Variants in DPP10 observed in about 807,000 individuals in gnomAD.
DPP10 encodes the protein inactive dipeptidyl peptidase 10.
In DPP10, 33 loss-of-function variants were observed where a neutral mutation model predicts 120.9. The observed-to-expected ratio is 0.27, with a 90% CI of 0.21 to 0.37. DPP10 has a LOEUF of 0.37. Among genes scored for constraint, DPP10 ranks in the 10% least tolerant of loss-of-function variants. The pLI is 1.00. For synonymous variants in DPP10, 337 were observed against 326.1 expected (o/e 1.03, Z -0.36); for missense variants, 816 against 942.8 (o/e 0.87, Z 1.76).
intron 4 of DPP10, among the ~76,000 whole-genome samples, chr2:115,520,507 G>A (rs903467874): frequency 2.8e-5 from 1 of 35,958 alleles, no homozygotes; most frequent in South Asian, 2.2e-3. Flanking sequence ...AGCTCCTGGA[G>A]CATGATTTTT....
chr2:115,833,508 T>C (rs1223032529), intron 21 of DPP10, among the ~76,000 whole-genome samples: 1 of 152,188 alleles, frequency 6.6e-6, no homozygotes, highest in Non-Finnish European at 1.5e-5. Context: ...CTGTTTCCAC[T>C]TTTGCTTTAT....
At chr2:114,939,112 GA>G (rs1156737821) in intron 1 of DPP10, among the ~76,000 whole-genome samples, 2 of 151,562 alleles carry the variant, frequency 1.3e-5, no homozygotes, top group South Asian at 4.2e-4. Flanking sequence ...TATATTCTTA[GA>G]AAAAAAGCTA....
rs111990871 is a variant in DPP10 at position 114,587,891 on chromosome 2, C to T, written c.60+145053C>T. ...AATATTTGTGAGGACCAGTGTCTAA[C>T]GATTAGGCATCATCTTAAACAAGAA... On this transcript the variant is annotated intron_variant, in intron 1 of 25. Coordinates refer to ENST00000410059, the MANE Select transcript of DPP10 (RefSeq NM_020868.6). Among the ~76,000 whole-genome samples, 1,013 of 152,220 alleles carry T rather than the reference C, an allele frequency of 6.7e-3. 9 individuals are homozygous for T. The highest frequency in any genetic ancestry group is 0.021 in the African/African-American group (889 of 41,530).
At chr2:114,674,088 GA>G (rs1391318691) in intron 1 of DPP10, among the ~76,000 whole-genome samples, 1 of 151,844 alleles carries the variant, frequency 6.6e-6, no homozygotes, top group Non-Finnish European at 1.5e-5. Context: ...AGATATATTG[GA>G]AAATTTGGAA....
At chr2:114,665,143 AT>A (rs1697823181) in intron 1 of DPP10, among the ~76,000 whole-genome samples, 1 of 152,200 alleles carries the variant, frequency 6.6e-6, no homozygotes, top group South Asian at 2.1e-4. Context: ...AAGGAAAAAA[AT>A]GTATGCTGAA....
At chr2:115,810,331 A>G (rs1359312347) in intron 19 of DPP10, among the ~76,000 whole-genome samples, 2 of 152,226 alleles carry the variant, frequency 1.3e-5, no homozygotes, top group East Asian at 1.9e-4. Flanking sequence ...TCTTCTGTAT[A>G]TAAATTCAAC....
chr2:114,828,234 G>A (rs960110015), intron 1 of DPP10, among the ~76,000 whole-genome samples: 4 of 152,172 alleles, frequency 2.6e-5, no homozygotes, highest in East Asian at 3.9e-4. Context: ...AACACTCCCC[G>A]TCTCGTCTGA....
At chr2:114,467,058 C>A (rs1386741548) in intron 1 of DPP10, among the ~76,000 whole-genome samples, 3 of 146,772 alleles carry the variant, frequency 2.0e-5, no homozygotes, top group South Asian at 2.1e-4. Context: ...AAAAAGGAAA[C>A]CTTTAGTGAC....
At chr2:114,531,989 C>G (rs913365490) in intron 1 of DPP10, among the ~76,000 whole-genome samples, 1 of 151,668 alleles carries the variant, frequency 6.6e-6, no homozygotes, top group Non-Finnish European at 1.5e-5. Flanking sequence ...CACTGAGGGG[C>G]GAAATAGAAC....
At chr2:115,633,919 C>G (rs1037919383) in intron 5 of DPP10, among the ~76,000 whole-genome samples, 3 of 152,150 alleles carry the variant, frequency 2.0e-5, no homozygotes, top group African/African-American at 7.2e-5. Context: ...TCAGCTACCC[C>G]TATCAGTCAT....
At chr2:115,769,932 A>G (rs1681251713) in intron 13 of DPP10, among the ~76,000 whole-genome samples, 1 of 141,600 alleles carries the variant, frequency 7.1e-6, no homozygotes. Flanking sequence ...AAATTTCAGT[A>G]TTTTATATTC....
chr2:115,803,791 G>A (rs371302839), intron 19 of DPP10, among the ~76,000 whole-genome samples: 5 of 152,256 alleles, frequency 3.3e-5, no homozygotes, highest in South Asian at 4.1e-4. Flanking sequence ...AGTTTCTGCC[G>A]AGAGATCCGC....
chr2:114,858,519 G>C (rs2106517704), intron 1 of DPP10, among the ~76,000 whole-genome samples: 1 of 152,332 alleles, frequency 6.6e-6, no homozygotes, highest in Non-Finnish European at 1.5e-5. Flanking sequence ...TTCTAGTGAA[G>C]TGTACCTTGA....
At chr2:115,593,716 C>T (rs545758808) in intron 5 of DPP10, among the ~76,000 whole-genome samples, 2 of 152,208 alleles carry the variant, frequency 1.3e-5, no homozygotes, top group South Asian at 2.1e-4. Context: ...TCTTTTGAAA[C>T]ATAATTTTTC....
rs570623058 is a variant in DPP10, at chr2:114,579,823, C to T, written c.60+136985C>T. 2.9e-4 allele frequency among the ~76,000 whole-genome samples: 43 copies of T among 145,790 alleles called. No homozygotes were observed. The South Asian group carries it at 9.0e-3, about 31-fold the overall frequency. ...ACATCTAATCACCATCATAAAAATG[C>T]CTTTTTTTTACCTCCAGCTTTATAG... On this transcript the variant is annotated intron_variant, in intron 1 of 25. Coordinates refer to ENST00000410059, the MANE Select transcript of DPP10 (RefSeq NM_020868.6).
At chr2:115,574,327 T>A in intron 5 of DPP10, among the ~76,000 whole-genome samples, 1 of 152,202 alleles carries the variant, frequency 6.6e-6, no homozygotes, top group East Asian at 1.9e-4. Flanking sequence ...TCTGAGTAAT[T>A]AATGAGACAT....
At chr2:115,429,430 A>T (rs2070771081) in intron 3 of DPP10, among the ~76,000 whole-genome samples, 1 of 152,168 alleles carries the variant, frequency 6.6e-6, no homozygotes, top group Non-Finnish European at 1.5e-5. Context: ...CTTAAAACAG[A>T]GTGGTAATGA....
chr2:115,337,996 G>C (rs1040859794), intron 2 of DPP10, among the ~76,000 whole-genome samples: 1 of 151,922 alleles, frequency 6.6e-6, no homozygotes, highest in Admixed American at 6.6e-5. Context: ...GAATTGCTTT[G>C]AAGGGTTGGT....
chr2:114,639,162 T>C (rs1351938338), intron 1 of DPP10, among the ~76,000 whole-genome samples: 1 of 151,922 alleles, frequency 6.6e-6, no homozygotes, highest in Non-Finnish European at 1.5e-5. Context: ...CAGTTCCACA[T>C]GGCTGCAGAG....
Sources: allele counts gnomAD v4.1 joint callset (sites outside exome capture counted in the v4.1 genomes callset), GRCh38; gene constraint gnomAD v4.1.1; transcripts MANE v1.5; gene names NCBI Gene and HGNC (gene_info 2026-07-23, HGNC 2026-07-21).